AGL: variants seen among roughly 807,000 people sequenced by gnomAD.
AGL encodes the protein amylo-alpha-1,6-glucosidase and 4-alpha-glucanotransferase, also known as glycogen debranching enzyme.
AGL carries 128 observed loss-of-function variants against 199.3 expected under a neutral mutation model. That is an observed-to-expected ratio of 0.64 (90% CI 0.56 to 0.74). The LOEUF is 0.74. Among genes scored for constraint, AGL ranks in the 30% least tolerant of loss-of-function variants. The pLI is 0.00. For synonymous variants in AGL, 584 were observed against 594.7 expected (o/e 0.98, Z 0.26); for missense variants, 1,809 against 1,820.8 (o/e 0.99, Z 0.12).
intron 25 of AGL, among the ~76,000 whole-genome samples, chr1:99,898,181 G>A (rs1012403527): frequency 2.6e-5 from 4 of 151,928 alleles, no homozygotes; most frequent in Admixed American, 6.6e-5. Context: ...TGAGTAGCTG[G>A]GACTACAGGC....
At chr1:99,874,541 AG>A in intron 7 of AGL, 145 bp from the exon 8 acceptor site, 1 of 759,414 alleles carries the variant, frequency 1.3e-6, no homozygotes, top group Non-Finnish European at 2.1e-6. Context: ...CAGGATGAGA[AG>A]GGGAGGAGGT....
At position 99,884,240 on chromosome 1, in the gene AGL, T is replaced by C. The variant is rs1037155853; in HGVS notation, c.2429T>C (p.Ile810Thr). 2 of 1,613,220 alleles carry C rather than the reference T, an allele frequency of 1.2e-6. No individual in the cohort carries two copies. The highest frequency in any genetic ancestry group is 1.7e-6 in the Non-Finnish European group (2 of 1,179,506). The change falls in exon 18 of 34, where the codon ATT becomes ACT. Residue 810 changes from isoleucine (I) to threonine (T), a missense_variant. Coordinates refer to ENST00000361915, the MANE Select transcript of AGL (RefSeq NM_000642.3). ...ATCACAGTAGAAATTAGAGAACATATTCAGGTATTTGGGACTCTCATCTTA... is the reference window on the plus strand; with the variant it reads ...ATCACAGTAGAAATTAGAGAACATACTCAGGTATTTGGGACTCTCATCTTA... Reference protein sequence around the residue: ...PDITVEIREHIQLNESKIVKQ... With the variant: ...PDITVEIREHTQLNESKIVKQ...
chr1:99,869,800 C>T (rs1030108463), intron 5 of AGL, among the ~76,000 whole-genome samples: 18 of 152,040 alleles, frequency 1.2e-4, no homozygotes, highest in Non-Finnish European at 5.9e-5. Flanking sequence ...AACTTTCATT[C>T]GTTTATTTTA....
intron 24 of AGL, among the ~76,000 whole-genome samples, chr1:99,894,135 C>T (rs1408921840): frequency 6.6e-6 from 1 of 151,594 alleles, no homozygotes; most frequent in African/African-American, 2.4e-5. Flanking sequence ...CTGCAGTGAG[C>T]TATGATCACA....
At chr1:99,856,756 TG>T (rs994207567) in intron 2 of AGL, among the ~76,000 whole-genome samples, 13 of 152,144 alleles carry the variant, frequency 8.5e-5, no homozygotes, top group Non-Finnish European at 1.8e-4. Flanking sequence ...AGCACAGGGT[TG>T]GGGGTAAGGT....
At chr1:99,893,658 T>C (rs1653081264) in intron 24 of AGL, among the ~76,000 whole-genome samples, 1 of 152,214 alleles carries the variant, frequency 6.6e-6, no homozygotes, top group Admixed American at 6.5e-5. Flanking sequence ...TATACTGATA[T>C]AAACTGTTAC....
intron 33 of AGL, among the ~76,000 whole-genome samples, chr1:99,918,374 A>G (rs1411813449): frequency 6.6e-6 from 1 of 152,114 alleles, no homozygotes; most frequent in Non-Finnish European, 1.5e-5. Context: ...GTGGAATATG[A>G]TTACAGTGAC....
Position 99,881,162 on chromosome 1 carries a change from A to G in AGL, c.1986A>G (p.Glu662=). The G allele has an allele frequency of 1.2e-6, 2 of 1,613,722 alleles. No homozygotes were observed. Among genetic ancestry groups the G allele is most frequent in the East Asian group, 4.5e-5 (2 of 44,874 alleles). Residue 662 remains glutamate, a synonymous_variant, in exon 15 of 34, where the codon GAA becomes GAG. Coordinates refer to ENST00000361915, the MANE Select transcript of AGL (RefSeq NM_000642.3). The stretch of plus-strand genomic sequence containing the variant: ...GTGGAAGTACAAGAGGCTATGATGA[A>G]TTAGTGCCTCATCAGGTTTGTTTAT... The part of the protein sequence containing the change: ...CASGSTRGYD[E]LVPHQISVVS...
At chr1:99,862,763 GAAC>G (rs1450264176) in intron 4 of AGL, among the ~76,000 whole-genome samples, 1 of 152,098 alleles carries the variant, frequency 6.6e-6, no homozygotes, top group Non-Finnish European at 1.5e-5. Flanking sequence ...ACTATCATGA[GAAC>G]AAGGGGGAAA....
chr1:99,899,096 T>G (rs982951929), intron 25 of AGL, among the ~76,000 whole-genome samples: 15 of 150,800 alleles, frequency 9.9e-5, no homozygotes, highest in Non-Finnish European at 1.9e-4. Flanking sequence ...TATGTATATA[T>G]AGAGAGAGCT....
At chr1:99,878,625 T>G (rs1651764908) in intron 12 of AGL, among the ~76,000 whole-genome samples, 1 of 152,136 alleles carries the variant, frequency 6.6e-6, no homozygotes, top group African/African-American at 2.4e-5. Context: ...ACAGTGGCAC[T>G]GCTTATAAGA....
chr1:99,890,812 T>C (rs1309884195), intron 21 of AGL, among the ~76,000 whole-genome samples: 1 of 152,142 alleles, frequency 6.6e-6, no homozygotes, highest in Non-Finnish European at 1.5e-5. Flanking sequence ...CTAGCCTGAA[T>C]ACTGATGAAC....
At chr1:99,876,126 C>T (rs963085064) in intron 10 of AGL, among the ~76,000 whole-genome samples, 6 of 152,202 alleles carry the variant, frequency 3.9e-5, no homozygotes, top group African/African-American at 1.4e-4. Flanking sequence ...CCCCCTGCCT[C>T]GGCCTCCGAA....
intron 33 of AGL, among the ~76,000 whole-genome samples, chr1:99,918,661 A>T (rs146188814): frequency 0.013 from 1,982 of 152,056 alleles, 25 homozygotes; most frequent in Middle Eastern, 0.088. Context: ...CCAGATGTGA[A>T]TTTTACCTTG....
Position 99,861,733 on chromosome 1 carries a change from T to G in AGL, c.293+20T>G. 6.2e-7 allele frequency: 1 copy of G among 1,612,172 alleles called. No individual in the cohort carries two copies. ...TCAAGGGTAAGTCAGGTGTTTTGTT[T>G]GTGAGAAAAAAAGTTAATTTGTTCT... On this transcript the variant is annotated intron_variant, in intron 3 of 33. Transcript: ENST00000361915.
chr1:99,854,643 A>G (rs929387367), intron 2 of AGL, among the ~76,000 whole-genome samples: 1 of 151,976 alleles, frequency 6.6e-6, no homozygotes, highest in African/African-American at 2.4e-5. Flanking sequence ...GGGCGCCTCT[A>G]GTCCCAGCTA....
intron 1 of AGL, 78 bp from the exon 2 acceptor site, chr1:99,850,896 CA>C: frequency 1.3e-6 from 1 of 745,982 alleles, no homozygotes; most frequent in Non-Finnish European, 2.4e-6. Flanking sequence ...ACACTTCGAA[CA>C]TGTAAGTGCC....
intron 24 of AGL, among the ~76,000 whole-genome samples, chr1:99,894,802 A>G (rs1570470049): frequency 6.6e-6 from 1 of 152,218 alleles, no homozygotes; most frequent in Admixed American, 6.5e-5. Context: ...TCAAATATTT[A>G]TAGGTATATA....
At chr1:99,879,118 A>G (rs1269088711) in intron 12 of AGL, among the ~76,000 whole-genome samples, 3 of 152,188 alleles carry the variant, frequency 2.0e-5, no homozygotes, top group African/African-American at 7.2e-5. Context: ...ACAAGTGGAA[A>G]TTGTAAGGTG....
Sources: allele counts gnomAD v4.1 joint callset (sites outside exome capture counted in the v4.1 genomes callset), GRCh38; gene constraint gnomAD v4.1.1; transcripts MANE v1.5; gene names NCBI Gene and HGNC (gene_info 2026-07-23, HGNC 2026-07-21).